Variants in ZNF469 observed in about 807,000 individuals in gnomAD.
ZNF469 encodes the protein zinc finger protein 469.
ZNF469 carries 1 observed loss-of-function variant against 1.0 expected under a neutral mutation model. The ratio of observed to expected loss-of-function variants is 1.00; its 90% CI spans 0.35 to 4.73. The LOEUF (loss-of-function observed/expected upper bound fraction) is 4.73, where lower values mean the gene tolerates loss of function less well. Ranked by LOEUF, ZNF469 falls within the 30% of genes most tolerant of loss-of-function variation. The pLI, the probability that ZNF469 is intolerant of heterozygous loss-of-function variation, is 0.16. For synonymous variants in ZNF469, 2,703 were observed against 2,363.4 expected, an observed-to-expected ratio of 1.14 and a Z score of -4.17; for missense variants, 6,100 against 5,356.3, an observed-to-expected ratio of 1.14 and a Z score of -4.33.
the ZNF469 span, among the ~76,000 whole-genome samples, chr16:88,362,862 G>C: frequency 6.6e-6 from 1 of 152,114 alleles, no homozygotes; most frequent in Admixed American, 6.6e-5. Flanking sequence ...CAGACCTTTT[G>C]ATATTGTCCT....
the ZNF469 span, among the ~76,000 whole-genome samples, chr16:88,168,016 C>T: frequency 2.4e-4 from 36 of 152,250 alleles, no homozygotes; most frequent in African/African-American, 8.0e-4. The surrounding 1 kb of genome is among the most constrained non-coding windows in gnomAD (Gnocchi z 4.3). Context: ...CCCCTCCACC[C>T]GCTTCGCGAT....
chr16:88,331,643 AT>A, the ZNF469 span, among the ~76,000 whole-genome samples: 1 of 151,580 alleles, frequency 6.6e-6, no homozygotes, highest in Admixed American at 6.6e-5. Flanking sequence ...CACCGCCATC[AT>A]CATCACCACC....
chr16:88,305,649 C>T, the ZNF469 span, among the ~76,000 whole-genome samples: 13 of 152,096 alleles, frequency 8.5e-5, no homozygotes, highest in East Asian at 3.9e-4. Flanking sequence ...CAGGCACACA[C>T]GCATGCACAC....
chr16:88,141,048 G>A, the ZNF469 span, among the ~76,000 whole-genome samples: 4 of 152,208 alleles, frequency 2.6e-5, no homozygotes, highest in Non-Finnish European at 4.4e-5. Context: ...TCATTCAGAG[G>A]CATCGTTGGG....
chr16:88,311,455 A>G, the ZNF469 span, among the ~76,000 whole-genome samples: 1 of 152,236 alleles, frequency 6.6e-6, no homozygotes, highest in Admixed American at 6.5e-5. Flanking sequence ...CTGTTTCTGC[A>G]CTGAAACATG....
At position 88,435,690 on chromosome 16, in the gene ZNF469, G is replaced by C. The variant is rs1032893120; in HGVS notation, c.8220G>C (p.Leu2740=). ...CAGGGAGGATGGATGGTGCAGCTCTGGGGGAACAGCCAACTGGGCAGAAGG... is the reference window on the plus strand; with the variant it reads ...CAGGGAGGATGGATGGTGCAGCTCTCGGGGAACAGCCAACTGGGCAGAAGG... ...LCPGRMDGAA[L]GEQPTGQKGA... The change falls in exon 3 of 3, where the codon CTG becomes CTC. Residue 2740 remains leucine (L), a synonymous_variant. Coordinates refer to ENST00000565624, the MANE Select transcript of ZNF469 (RefSeq NM_001367624.2). 2 of 1,550,536 alleles carry C rather than the reference G, an allele frequency of 1.3e-6. No homozygotes were observed. Among genetic ancestry groups the C allele is most frequent in the Non-Finnish European group, 8.7e-7 (1 of 1,147,000 alleles).
chr16:88,352,523 A>T, the ZNF469 span, among the ~76,000 whole-genome samples: 1 of 152,368 alleles, frequency 6.6e-6, no homozygotes, highest in East Asian at 1.9e-4. Context: ...GCACCAGGCC[A>T]CTGGGCTGCC....
the ZNF469 span, among the ~76,000 whole-genome samples, chr16:88,376,286 G>C: frequency 6.6e-6 from 1 of 152,244 alleles, no homozygotes; most frequent in African/African-American, 2.4e-5. Context: ...GTCCCCTGGA[G>C]ACATAATTAC....
At chr16:88,101,700 G>C in the ZNF469 span, among the ~76,000 whole-genome samples, 3 of 152,170 alleles carry the variant, frequency 2.0e-5, no homozygotes, top group Admixed American at 6.5e-5. Flanking sequence ...ATATTTATAA[G>C]AACTAGGCTC....
the ZNF469 span, among the ~76,000 whole-genome samples, chr16:88,136,095 G>T: frequency 6.6e-6 from 1 of 152,058 alleles, no homozygotes; most frequent in Non-Finnish European, 1.5e-5. Context: ...CTGGACAAAG[G>T]TCCCCCAGTT....
chr16:88,297,595 C>A, the ZNF469 span, among the ~76,000 whole-genome samples: 1 of 152,156 alleles, frequency 6.6e-6, no homozygotes, highest in Admixed American at 6.5e-5. Flanking sequence ...AAGACCCCTC[C>A]GTGGGATGGG....
the ZNF469 span, among the ~76,000 whole-genome samples, chr16:88,237,899 T>A: frequency 6.6e-6 from 1 of 152,180 alleles, no homozygotes; most frequent in Admixed American, 6.5e-5. Context: ...TTTTCCTGAA[T>A]GTCATGGAGT....
chr16:88,275,594 C>T, the ZNF469 span, among the ~76,000 whole-genome samples: 385 of 152,288 alleles, frequency 2.5e-3, 1 homozygote, highest in African/African-American at 8.0e-3. Context: ...GAGAGGGAGG[C>T]GCGGCTTTCT....
chr16:88,340,562 G>A, the ZNF469 span, among the ~76,000 whole-genome samples: 1 of 152,238 alleles, frequency 6.6e-6, no homozygotes, highest in Non-Finnish European at 1.5e-5. Context: ...GGGGAGTGCT[G>A]GGCTTTGCAG....
At chr16:88,245,402 G>C in the ZNF469 span, among the ~76,000 whole-genome samples, 1 of 152,268 alleles carries the variant, frequency 6.6e-6, no homozygotes. Flanking sequence ...GGATGCGTAG[G>C]CTCTTGGCCT....
chr16:88,349,418 C>T, the ZNF469 span, among the ~76,000 whole-genome samples: 1 of 151,352 alleles, frequency 6.6e-6, no homozygotes, highest in Non-Finnish European at 1.5e-5. Flanking sequence ...ACACACACCA[C>T]ACCCAAGTGC....
the ZNF469 span, among the ~76,000 whole-genome samples, chr16:88,128,863 C>G: frequency 6.6e-6 from 1 of 152,208 alleles, no homozygotes; most frequent in Non-Finnish European, 1.5e-5. Context: ...GTGGGCAGAG[C>G]AGAGCGCAGG....
intron 1 of ZNF469, among the ~76,000 whole-genome samples, chr16:88,413,531 C>T (rs1905230781): frequency 6.6e-6 from 1 of 152,248 alleles, no homozygotes; most frequent in Non-Finnish European, 1.5e-5. Context: ...CCACTGGGCC[C>T]CGCCGTCCTG....
the ZNF469 span, among the ~76,000 whole-genome samples, chr16:88,122,401 A>T: frequency 6.7e-6 from 1 of 148,822 alleles, no homozygotes; most frequent in Non-Finnish European, 1.5e-5. Flanking sequence ...ACATCCCGTC[A>T]CTCACTACAG....
Sources: gnomAD v4.1 joint callset for allele counts (sites outside exome capture counted in the v4.1 genomes callset) on GRCh38, gnomAD v4.1.1 for gene constraint, Gnocchi (gnomAD v3.1) non-coding constraint, MANE v1.5 for transcripts, NCBI Gene and HGNC (gene_info 2026-07-23, HGNC 2026-07-21) for gene names.